PARL: variants seen among roughly 807,000 people sequenced by gnomAD.
PARL encodes presenilin associated rhomboid like.
Under a neutral mutation model 51.6 loss-of-function variants are expected in PARL, and 44 were observed. The observed-to-expected ratio is 0.85, with a 90% CI of 0.67 to 1.10. The LOEUF is 1.10. Ranked by LOEUF, PARL falls within the 50% of genes least tolerant of loss-of-function variation. The pLI, the probability that PARL is intolerant of heterozygous loss-of-function variation, is 0.00. For missense variants in PARL, 441 were observed against 469.5 expected, an observed-to-expected ratio of 0.94 and a Z score of 0.56; for synonymous variants, 172 against 164.0, an observed-to-expected ratio of 1.05 and a Z score of -0.37.
At chr3:183,849,346 T>C (rs957674409) in intron 4 of PARL, among the ~76,000 whole-genome samples, 4 of 152,198 alleles carry the variant, frequency 2.6e-5, no homozygotes, top group Admixed American at 6.5e-5. Context: ...CTCTGATCAC[T>C]TGGAATGAAA....
intron 2 of PARL, 104 bp downstream of exon 2, chr3:183,867,761 C>T (rs982274702): frequency 4.9e-6 from 4 of 816,196 alleles, no homozygotes; most frequent in East Asian, 4.8e-5. Context: ...TCTTTTTGAT[C>T]CCCCCTCTAC....
At chr3:183,866,027 G>A (rs1282360499) in intron 3 of PARL, among the ~76,000 whole-genome samples, 1 of 151,956 alleles carries the variant, frequency 6.6e-6, no homozygotes, top group Non-Finnish European at 1.5e-5. Flanking sequence ...CCACAGGCAT[G>A]CACCACCACG....
At chr3:183,844,701 G>A (rs981701104) in intron 4 of PARL, 8 of 194,796 alleles carry the variant, frequency 4.1e-5, no homozygotes, top group Non-Finnish European at 8.6e-5. Context: ...GCCAAGAGTA[G>A]AAGAGCTAAC....
At chr3:183,833,976 C>A in intron 7 of PARL, 151 bp from the exon 8 acceptor site, 1 of 688,512 alleles carries the variant, frequency 1.5e-6, no homozygotes, top group Non-Finnish European at 2.7e-6. Context: ...TTACTTATGT[C>A]CCCAATAATA....
At chr3:183,827,149 G>A (rs1446186782), downstream of PARL, among the ~76,000 whole-genome samples, 3 of 152,084 alleles carry the variant, frequency 2.0e-5, no homozygotes, top group Non-Finnish European at 4.4e-5. Context: ...GCCACACTAA[G>A]GAATTTTAGC....
intron 1 of PARL, among the ~76,000 whole-genome samples, chr3:183,873,618 TTGTCA>T (rs1360420515): frequency 6.6e-6 from 1 of 152,132 alleles, no homozygotes; most frequent in Non-Finnish European, 1.5e-5. Context: ...TTCCTAGCAT[TTGTCA>T]TGTACTGGAC....
At chr3:183,876,610 TAAAAA>T (rs576376716) in intron 1 of PARL, among the ~76,000 whole-genome samples, 4 of 91,812 alleles carry the variant, frequency 4.4e-5, no homozygotes, top group African/African-American at 4.7e-5. Context: ...ATACATTTTG[TAAAAA>T]AAAAAAAAAA....
intron 1 of PARL, among the ~76,000 whole-genome samples, chr3:183,879,943 C>G (rs56174601): frequency 0.05 from 7,354 of 147,404 alleles, 219 homozygotes; most frequent in East Asian, 0.081. Context: ...ATTGGCCAGG[C>G]TGGTCTCGAA....
At chr3:183,858,680 T>TG (rs778971948) in intron 4 of PARL, among the ~76,000 whole-genome samples, 15 of 152,152 alleles carry the variant, frequency 9.9e-5, no homozygotes, top group Admixed American at 1.3e-4. Context: ...ATATTCTCTC[T>TG]GGGGGTTGCC....
intron 1 of PARL, among the ~76,000 whole-genome samples, chr3:183,880,838 CAG>C (rs1196274780): frequency 1.3e-5 from 2 of 152,008 alleles, no homozygotes; most frequent in Admixed American, 1.3e-4. Context: ...TTTTTTGAGA[CAG>C]GGTTGCACTC....
chr3:183,839,251 T>C (rs1175499278), intron 7 of PARL, among the ~76,000 whole-genome samples: 1 of 152,184 alleles, frequency 6.6e-6, no homozygotes, highest in Non-Finnish European at 1.5e-5. Context: ...AATTGACCTT[T>C]TTAGAGTTCC....
At chr3:183,834,365 GAT>G (rs1728306844) in intron 7 of PARL, among the ~76,000 whole-genome samples, 2 of 152,200 alleles carry the variant, frequency 1.3e-5, no homozygotes, top group South Asian at 4.1e-4. Context: ...AGTGAGCTAT[GAT>G]TGCACCACTG....
chr3:183,829,199 C>G (rs1416309525), downstream of PARL: 3 of 271,182 alleles, frequency 1.1e-5, no homozygotes, highest in Non-Finnish European at 2.1e-5. Context: ...GCAGCCAACC[C>G]AGGGGAGGGG....
At chr3:183,852,118 C>T (rs1462313573) in intron 4 of PARL, among the ~76,000 whole-genome samples, 2 of 152,180 alleles carry the variant, frequency 1.3e-5, no homozygotes, top group East Asian at 1.9e-4. Context: ...GTTCATACAA[C>T]TGCACTCCAG....
intron 4 of PARL, among the ~76,000 whole-genome samples, chr3:183,855,999 A>C (rs929565971): frequency 6.6e-6 from 1 of 151,644 alleles, no homozygotes; most frequent in Non-Finnish European, 1.5e-5. Context: ...AAACCCCACA[A>C]ACAAAGTTTC....
At chr3:183,831,396 C>T (rs1224516679) in intron 9 of PARL, among the ~76,000 whole-genome samples, 1 of 152,240 alleles carries the variant, frequency 6.6e-6, no homozygotes, top group East Asian at 1.9e-4. Flanking sequence ...AAACTAAAAT[C>T]GGGAAATGCA....
At chr3:183,847,852 A>G (rs994024748) in intron 4 of PARL, among the ~76,000 whole-genome samples, 36 of 152,322 alleles carry the variant, frequency 2.4e-4, no homozygotes, top group African/African-American at 6.7e-4. Context: ...TGAACAAAGA[A>G]TAATGGTTTC....
chr3:183,865,527 A>C (rs1358933996), intron 3 of PARL, among the ~76,000 whole-genome samples: 1 of 152,164 alleles, frequency 6.6e-6, no homozygotes, highest in Non-Finnish European at 1.5e-5. Context: ...CAGTGGCTGC[A>C]TAAGATTCTC....
At chr3:183,839,424 G>T (rs1729028354) in intron 7 of PARL, among the ~76,000 whole-genome samples, 1 of 152,012 alleles carries the variant, frequency 6.6e-6, no homozygotes, top group South Asian at 2.1e-4. Context: ...TTTGAGACAG[G>T]GTCTTGTTCT....
Sources: allele counts gnomAD v4.1 joint callset (sites outside exome capture counted in the v4.1 genomes callset), GRCh38; gene constraint gnomAD v4.1.1; transcripts MANE v1.5; gene names NCBI Gene and HGNC (gene_info 2026-07-23, HGNC 2026-07-21).